CPEB3: variants seen among roughly 807,000 people sequenced by gnomAD.
The protein encoded by CPEB3 is cytoplasmic polyadenylation element binding protein 3, also known as cytoplasmic polyadenylation element-binding protein 3.
A neutral mutation model predicts 67.2 loss-of-function variants in CPEB3; 20 were observed. The observed-to-expected ratio is 0.30, with a 90% CI of 0.21 to 0.43. The LOEUF (loss-of-function observed/expected upper bound fraction) is 0.43, where lower values mean the gene tolerates loss of function less well. Among genes scored for constraint, CPEB3 ranks in the 20% least tolerant of loss-of-function variants. The pLI is 1.00. For missense variants in CPEB3, 746 were observed against 968.6 expected, an observed-to-expected ratio of 0.77 and a Z score of 3.05; for synonymous variants, 376 against 393.1, an observed-to-expected ratio of 0.96 and a Z score of 0.51.
chr10:92,133,958 A>T (rs1845966418), intron 6 of CPEB3, among the ~76,000 whole-genome samples: 1 of 152,224 alleles, frequency 6.6e-6, no homozygotes, highest in African/African-American at 2.4e-5. Context: ...CCTTTGACAA[A>T]ATTCAGCAGC....
At chr10:92,053,776 C>T (rs979639747) in intron 9 of CPEB3, among the ~76,000 whole-genome samples, 8 of 152,120 alleles carry the variant, frequency 5.3e-5, no homozygotes, top group South Asian at 2.1e-4. Flanking sequence ...CCCCTGACCT[C>T]GTGATCCACC....
intron 6 of CPEB3, among the ~76,000 whole-genome samples, chr10:92,132,832 G>A (rs2133733109): frequency 6.6e-6 from 1 of 152,304 alleles, no homozygotes; most frequent in African/African-American, 2.4e-5. Context: ...AGACCACAGT[G>A]CAATCAAATT....
At chr10:92,277,169 C>A (rs927746625) in intron 1 of CPEB3, among the ~76,000 whole-genome samples, 3 of 152,126 alleles carry the variant, frequency 2.0e-5, no homozygotes, top group Non-Finnish European at 4.4e-5. Context: ...TCTATTCTTT[C>A]TTTTGTTGCT....
intron 1 of CPEB3, among the ~76,000 whole-genome samples, chr10:92,288,731 C>T (rs181015703): frequency 5.4e-4 from 82 of 152,242 alleles, no homozygotes; most frequent in Non-Finnish European, 1.0e-3. Flanking sequence ...CAAAAGGTAT[C>T]ATATTTTCCA....
At chr10:92,089,022 T>C (rs1300885144) in intron 8 of CPEB3, among the ~76,000 whole-genome samples, 2 of 152,230 alleles carry the variant, frequency 1.3e-5, no homozygotes, top group Non-Finnish European at 2.9e-5. Flanking sequence ...CTCTTTAACA[T>C]GATAGTGGGA....
At chr10:92,096,819 G>A (rs1181233423) in intron 7 of CPEB3, among the ~76,000 whole-genome samples, 2 of 152,038 alleles carry the variant, frequency 1.3e-5, no homozygotes, top group Non-Finnish European at 2.9e-5. Flanking sequence ...GGCAGGCACC[G>A]GTAATCCCAG....
At chr10:92,284,621 A>G (rs1842449028) in intron 1 of CPEB3, among the ~76,000 whole-genome samples, 1 of 152,044 alleles carries the variant, frequency 6.6e-6, no homozygotes, top group African/African-American at 2.4e-5. Flanking sequence ...GCCTCGGTAT[A>G]ACAGACACTA....
intron 1 of CPEB3, among the ~76,000 whole-genome samples, chr10:92,246,256 C>T (rs1249701413): frequency 1.3e-5 from 2 of 151,378 alleles, no homozygotes; most frequent in Non-Finnish European, 2.9e-5. Flanking sequence ...ATGGCGTGAA[C>T]CCGGGAGGCG....
intron 1 of CPEB3, among the ~76,000 whole-genome samples, chr10:92,271,712 G>T (rs867207401): frequency 2.6e-4 from 40 of 152,174 alleles, no homozygotes; most frequent in African/African-American, 8.4e-4. Flanking sequence ...GGTTAAAATA[G>T]TGTCTACCAG....
At chr10:92,155,447 G>A (rs1847162062) in intron 4 of CPEB3, among the ~76,000 whole-genome samples, 1 of 152,170 alleles carries the variant, frequency 6.6e-6, no homozygotes, top group Non-Finnish European at 1.5e-5. Flanking sequence ...AGTATACTAT[G>A]CAGAGTTGGC....
chr10:92,286,583 T>TAA (rs757526293), intron 1 of CPEB3, among the ~76,000 whole-genome samples: 31 of 102,472 alleles, frequency 3.0e-4, no homozygotes, highest in Middle Eastern at 6.5e-3. Context: ...AGACTCTATC[T>TAA]AAAAAAAAAA....
At chr10:92,090,675 A>G (rs1410460893) in intron 8 of CPEB3, among the ~76,000 whole-genome samples, 1 of 152,216 alleles carries the variant, frequency 6.6e-6, no homozygotes, top group East Asian at 1.9e-4. Flanking sequence ...CCTAAATATA[A>G]CACTAGTTAG....
At chr10:92,206,510 G>A (rs1849798390) in intron 2 of CPEB3, among the ~76,000 whole-genome samples, 1 of 152,010 alleles carries the variant, frequency 6.6e-6, no homozygotes, top group South Asian at 2.1e-4. Flanking sequence ...CCAGCTCCTG[G>A]GTTCAAGCGA....
chr10:92,182,622 T>TA (rs1274742307), intron 3 of CPEB3, among the ~76,000 whole-genome samples: 1 of 152,094 alleles, frequency 6.6e-6, no homozygotes, highest in East Asian at 1.9e-4. Flanking sequence ...GGTCATGAGT[T>TA]AGAGACCAGC....
chr10:92,262,560 T>A (rs1470092940), intron 1 of CPEB3, among the ~76,000 whole-genome samples: 1 of 152,130 alleles, frequency 6.6e-6, no homozygotes, highest in Admixed American at 6.5e-5. Flanking sequence ...AAAACCCATG[T>A]CTTTGGCAAG....
At chr10:92,181,092 C>A in intron 3 of CPEB3, 73 bp from the exon 4 acceptor site, 1 of 808,092 alleles carries the variant, frequency 1.2e-6, no homozygotes. Flanking sequence ...AAAATATAAA[C>A]ATTACAAAAA....
At chr10:92,287,715 A>G (rs796683761) in intron 1 of CPEB3, among the ~76,000 whole-genome samples, 1 of 152,158 alleles carries the variant, frequency 6.6e-6, no homozygotes, top group African/African-American at 2.4e-5. Context: ...TAAGTGTACA[A>G]TGGGTTTTTG....
intron 2 of CPEB3, among the ~76,000 whole-genome samples, chr10:92,225,266 C>A (rs181552027): frequency 6.6e-6 from 1 of 152,126 alleles, no homozygotes; most frequent in Non-Finnish European, 1.5e-5. Context: ...AGCCACCGCG[C>A]CCAGCCTCCT....
chr10:92,068,782 C>T (rs1842649491), intron 9 of CPEB3, among the ~76,000 whole-genome samples: 1 of 152,166 alleles, frequency 6.6e-6, no homozygotes, highest in Non-Finnish European at 1.5e-5. Flanking sequence ...CTATTCCATT[C>T]AAAGATCTTT....
Sources: allele counts gnomAD v4.1 joint callset (sites outside exome capture counted in the v4.1 genomes callset), GRCh38; gene constraint gnomAD v4.1.1; transcripts MANE v1.5; gene names NCBI Gene and HGNC (gene_info 2026-07-23, HGNC 2026-07-21).